Variants in COL24A1 observed in about 807,000 individuals in gnomAD.
COL24A1 encodes the protein collagen alpha-1(XXIV) chain.
A neutral mutation model predicts 253.9 loss-of-function variants in COL24A1; 224 were observed. That is an observed-to-expected ratio of 0.88 (90% CI 0.79 to 0.99). COL24A1 has a LOEUF of 0.99. COL24A1 is among the 50% of genes least tolerant of loss of function. The probability of loss-of-function intolerance (pLI) is 0.00; values close to 1 mark genes in which losing one functional copy is unlikely to be tolerated. For missense variants in COL24A1, 2,131 were observed against 2,068.5 expected, an observed-to-expected ratio of 1.03 and a Z score of -0.59; for synonymous variants, 685 against 673.7, an observed-to-expected ratio of 1.02 and a Z score of -0.26.
intron 47 of COL24A1, among the ~76,000 whole-genome samples, chr1:85,803,969 A>G (rs1264456888): frequency 6.6e-6 from 1 of 152,218 alleles, no homozygotes; most frequent in East Asian, 1.9e-4. Context: ...GGCATATAAG[A>G]CATCAGAATG....
chr1:85,809,123 C>T (rs892229910), intron 47 of COL24A1, among the ~76,000 whole-genome samples: 4 of 152,112 alleles, frequency 2.6e-5, no homozygotes, highest in Admixed American at 1.3e-4. Flanking sequence ...CTGGGCAAGT[C>T]GCAAATCTTG....
intron 19 of COL24A1, among the ~76,000 whole-genome samples, chr1:85,990,249 C>A (rs1694127560): frequency 6.6e-6 from 1 of 152,138 alleles, no homozygotes; most frequent in South Asian, 2.1e-4. Flanking sequence ...ATCAATAAAT[C>A]CTGTCCATCC....
chr1:86,097,539 C>G (rs1347988171), intron 5 of COL24A1, among the ~76,000 whole-genome samples: 1 of 9,950 alleles, frequency 1.0e-4, no homozygotes, highest in Non-Finnish European at 2.5e-4. Flanking sequence ...CCCTCCTCCT[C>G]CCTCCTCCCT....
chr1:85,776,680 G>C (rs1668577175), intron 52 of COL24A1, among the ~76,000 whole-genome samples: 1 of 151,366 alleles, frequency 6.6e-6, no homozygotes, highest in Non-Finnish European at 1.5e-5. Flanking sequence ...GCTAATTTTT[G>C]TCATTGTTAG....
intron 24 of COL24A1, among the ~76,000 whole-genome samples, chr1:85,921,513 G>A (rs1426668797): frequency 6.6e-6 from 1 of 152,178 alleles, no homozygotes; most frequent in African/African-American, 2.4e-5. Context: ...AGCCTCCACT[G>A]GTGATACCTA....
chr1:86,108,620 T>TAAAGAAAAAAA (rs1491169938), intron 5 of COL24A1, among the ~76,000 whole-genome samples: 17 of 83,100 alleles, frequency 2.0e-4, no homozygotes, highest in South Asian at 9.7e-4. Flanking sequence ...CCATCTCTAC[T>TAAAGAAAAAAA]AAAAAAAAAA....
chr1:85,875,235 G>A (rs757760250), intron 34 of COL24A1, 42 bp downstream of exon 34: 7 of 1,560,264 alleles, frequency 4.5e-6, no homozygotes, highest in Non-Finnish European at 5.3e-6. Context: ...GGGGTTCAAT[G>A]GTGAAAGTTT....
chr1:85,883,529 C>T (rs1682118904), intron 32 of COL24A1, among the ~76,000 whole-genome samples: 1 of 152,122 alleles, frequency 6.6e-6, no homozygotes, highest in Admixed American at 6.6e-5. Context: ...TCTGGCCTCT[C>T]ATTTTAATTA....
chr1:85,847,637 C>G lies in COL24A1; in HGVS notation c.3462+28G>C, dbSNP rs377730452. On this transcript the variant is annotated intron_variant, in intron 39 of 59. Coordinates refer to ENST00000370571, the MANE Select transcript of COL24A1 (RefSeq NM_152890.7). ...CGTTTCTTTCCCATCCACAGTGACTCAATTCTGGAAGCAAGTCAAATACTG... is the reference window on the plus strand; with the variant it reads ...CGTTTCTTTCCCATCCACAGTGACTGAATTCTGGAAGCAAGTCAAATACTG... 7 of 1,541,096 alleles carry G rather than the reference C, an allele frequency of 4.5e-6. No homozygotes were observed. In the Admixed American group the frequency reaches 1.2e-4, roughly 26 times the overall value.
At chr1:86,140,481 T>G (rs1339302619) in intron 2 of COL24A1, among the ~76,000 whole-genome samples, 2 of 152,358 alleles carry the variant, frequency 1.3e-5, no homozygotes, top group East Asian at 3.9e-4. Context: ...CCCATACAAG[T>G]GTTTGTGAAG....
intron 53 of COL24A1, among the ~76,000 whole-genome samples, chr1:85,762,544 A>G (rs1666944193): frequency 6.6e-6 from 1 of 152,244 alleles, no homozygotes; most frequent in Admixed American, 6.5e-5. Context: ...AATACTAGTC[A>G]AAATTAATAC....
chr1:86,110,003 A>G (rs1477935873), intron 5 of COL24A1, among the ~76,000 whole-genome samples: 4 of 152,180 alleles, frequency 2.6e-5, no homozygotes, highest in African/African-American at 4.8e-5. Context: ...TGGTGCTCTA[A>G]TCTTGGACTT....
intron 24 of COL24A1, among the ~76,000 whole-genome samples, chr1:85,941,777 A>G (rs1688782185): frequency 6.6e-6 from 1 of 152,156 alleles, no homozygotes; most frequent in Non-Finnish European, 1.5e-5. Flanking sequence ...TTTTTCATTA[A>G]TCCTAAAAAC....
At chr1:85,868,867 T>C in intron 35 of COL24A1, 32 bp from the exon 36 acceptor site, 7 of 1,470,338 alleles carry the variant, frequency 4.8e-6, no homozygotes, top group Non-Finnish European at 5.6e-6. Flanking sequence ...ATGATTGAGT[T>C]TTTTTTTGCT....
chr1:85,861,659 A>G (rs1371439984), intron 37 of COL24A1, among the ~76,000 whole-genome samples: 2 of 152,168 alleles, frequency 1.3e-5, no homozygotes, highest in East Asian at 1.9e-4. Flanking sequence ...TCTTTCTCTC[A>G]CTGAATTGTC....
intron 5 of COL24A1, among the ~76,000 whole-genome samples, chr1:86,100,315 G>A (rs1319284445): frequency 6.6e-6 from 1 of 152,018 alleles, no homozygotes; most frequent in Non-Finnish European, 1.5e-5. Flanking sequence ...TCTTTATTTA[G>A]TAGCTCTTTC....
chr1:85,737,415 G>A lies in COL24A1; in HGVS notation c.4763C>T (p.Pro1588Leu), dbSNP rs755615158. 6 of 1,611,582 alleles carry A rather than the reference G, an allele frequency of 3.7e-6. No homozygotes were observed. Among genetic ancestry groups the A allele is most frequent in the East Asian group, 4.5e-5 (2 of 44,736 alleles). ...ACATACCTTTGTTACAGAAACAGGA[G>A]GTAAGCATGTCTGGCCACCAGCACT... The part of the protein sequence containing the change: ...NFSAGGQTCL[P>L]PVSVTKLEFG... Residue 1588 changes from proline (P) to leucine (L), a missense_variant, in exon 58 of 60, where the codon CCT becomes CTT. Transcript: ENST00000370571.
At chr1:85,755,057 G>A (rs1666083405) in intron 55 of COL24A1, among the ~76,000 whole-genome samples, 1 of 152,044 alleles carries the variant, frequency 6.6e-6, no homozygotes, top group Non-Finnish European at 1.5e-5. Flanking sequence ...AAGCAGAGAG[G>A]AAGCTCATCA....
chr1:86,006,723 A>G (rs954788112), intron 19 of COL24A1, among the ~76,000 whole-genome samples: 2 of 152,118 alleles, frequency 1.3e-5, no homozygotes, highest in Non-Finnish European at 2.9e-5. Context: ...GGAAGAAAAT[A>G]TTTGCAAAAG....
Sources: allele counts gnomAD v4.1 joint callset (sites outside exome capture counted in the v4.1 genomes callset), GRCh38; gene constraint gnomAD v4.1.1; transcripts MANE v1.5; gene names NCBI Gene and HGNC (gene_info 2026-07-23, HGNC 2026-07-21).